NDUFS5: variants seen among roughly 807,000 people sequenced by gnomAD.
NDUFS5 encodes NADH:ubiquinone oxidoreductase subunit S5, also known as NADH dehydrogenase [ubiquinone] iron-sulfur protein 5.
A neutral mutation model predicts 10.5 loss-of-function variants in NDUFS5; 7 were observed. The observed-to-expected ratio is 0.66, with a 90% CI of 0.38 to 1.25. The LOEUF (loss-of-function observed/expected upper bound fraction) is 1.25. Among genes scored for constraint, NDUFS5 ranks in the 50% most tolerant of loss-of-function variants. The probability of loss-of-function intolerance (pLI) is 0.02; values close to 1 mark genes in which losing one functional copy is unlikely to be tolerated. For synonymous variants in NDUFS5, 38 were observed against 44.0 expected, an observed-to-expected ratio of 0.86 and a Z score of 0.54; for missense variants, 148 against 140.7, an observed-to-expected ratio of 1.05 and a Z score of -0.26.
At position 39,034,468 on chromosome 1, in the gene NDUFS5, A is replaced by C. The variant is rs192512172; in HGVS notation, c.293A>C (p.His98Pro). 2.4e-5 allele frequency: 38 copies of C among 1,613,644 alleles called. No homozygotes were observed. The Admixed American group carries it at 3.7e-4, about 16-fold the overall frequency. ...GGAAAGTACACCCCTCCACCTCACC[A>C]CATTGGCAAGGGGGAGCCTCGGCCC... ...KEGKYTPPPHHIGKGEPRP is the reference protein window; with the variant it reads ...KEGKYTPPPHPIGKGEPRP The change falls in exon 3 of 3, where the codon CAC becomes CCC. Residue 98 changes from histidine to proline, a missense_variant. By Grantham distance (77) the His-to-Pro change is moderately conservative. Coordinates refer to ENST00000372969, the MANE Select transcript of NDUFS5 (RefSeq NM_004552.3).
chr1:39,030,884 T>C (rs957293895), intron 2 of NDUFS5, among the ~76,000 whole-genome samples: 7 of 152,152 alleles, frequency 4.6e-5, no homozygotes, highest in Non-Finnish European at 1.0e-4. Flanking sequence ...TTTTAATTTA[T>C]GTTTTGAGAC....
chr1:39,030,617 G>T, intron 2 of NDUFS5, among the ~76,000 whole-genome samples: 1 of 151,410 alleles, frequency 6.6e-6, no homozygotes, highest in Non-Finnish European at 1.5e-5. Flanking sequence ...TGAGGCAGGA[G>T]GCTGAGGCAG....
chr1:39,030,304 G>A (rs1006891108), intron 2 of NDUFS5, among the ~76,000 whole-genome samples: 3 of 151,212 alleles, frequency 2.0e-5, no homozygotes, highest in African/African-American at 4.9e-5. Flanking sequence ...ACTCAGGAGG[G>A]TGAGGCAAGA....
At chr1:39,027,483 T>G (rs1252818871) in intron 1 of NDUFS5, among the ~76,000 whole-genome samples, 2 of 152,184 alleles carry the variant, frequency 1.3e-5, no homozygotes, top group Non-Finnish European at 1.5e-5. Flanking sequence ...GTGTGTGTGT[T>G]TTTACATTTA....
intron 1 of NDUFS5, 112 bp from the exon 2 acceptor site, chr1:39,028,611 G>C: frequency 2.2e-6 from 2 of 925,346 alleles, no homozygotes; most frequent in Admixed American, 4.1e-5. Flanking sequence ...ATATCAAACA[G>C]TGTTCTAGAG....
rs574232708 is a variant in NDUFS5, at chr1:39,034,452, A to G, written c.277A>G (p.Thr93Ala). The change falls in exon 3 of 3, where the codon ACC becomes GCC. Residue 93 changes from threonine (T) to alanine (A), a missense_variant. By Grantham distance (58) the Thr-to-Ala change is moderately conservative (BLOSUM62 0). Coordinates refer to ENST00000372969, the MANE Select transcript of NDUFS5 (RefSeq NM_004552.3). Reference sequence around the variant, plus strand: ...TAAGCTGATAAAGGAAGGAAAGTACACCCCTCCACCTCACCACATTGGCAA... The same window carrying G: ...TAAGCTGATAAAGGAAGGAAAGTACGCCCCTCCACCTCACCACATTGGCAA... ...RDKLIKEGKYTPPPHHIGKGE... is the reference protein window; with the variant it reads ...RDKLIKEGKYAPPPHHIGKGE... 102 of 1,613,568 alleles carry G rather than the reference A, an allele frequency of 6.3e-5. 2 individuals carry two copies. In the South Asian group the frequency reaches 1.1e-3, roughly 17 times the overall value.
At chr1:39,028,992 C>CTTT in intron 2 of NDUFS5, 52 bp downstream of exon 2, 1 of 1,308,458 alleles carries the variant, frequency 7.6e-7, no homozygotes. Context: ...TCCTTTGGGA[C>CTTT]TCTTTTTTTT....
intron 2 of NDUFS5, among the ~76,000 whole-genome samples, chr1:39,033,505 G>A (rs1644206859): frequency 6.7e-6 from 1 of 150,054 alleles, no homozygotes; most frequent in Admixed American, 6.6e-5. Context: ...CCCAGGAGGC[G>A]GAGGTTGCAG....
At chr1:39,030,896 G>A (rs1213913641) in intron 2 of NDUFS5, among the ~76,000 whole-genome samples, 1 of 152,020 alleles carries the variant, frequency 6.6e-6, no homozygotes, top group South Asian at 2.1e-4. Flanking sequence ...TTTTGAGACA[G>A]CGTCTCACTC....
At position 39,034,541 on chromosome 1, in the gene NDUFS5, G is replaced by T. The variant is rs1205128746; in HGVS notation, c.*45G>T. 4.6e-6 allele frequency: 7 copies of T among 1,530,864 alleles called. No individual in the cohort carries two copies. The Admixed American group carries it at 8.4e-5, about 18-fold the overall frequency. 94.8% of individuals were successfully genotyped at this position (1,530,864 alleles called of 1,614,324 possible). On this transcript the variant is annotated 3_prime_UTR_variant, in exon 3 of 3. Coordinates refer to ENST00000372969, the MANE Select transcript of NDUFS5 (RefSeq NM_004552.3). ...CTGGAGGCTGATTTTCCTGTTCTCT[G>T]TTCTCCACTGGAAAGGTTGTTTACG...
intron 2 of NDUFS5, among the ~76,000 whole-genome samples, chr1:39,030,040 G>A (rs1328391991): frequency 2.0e-5 from 3 of 151,928 alleles, no homozygotes; most frequent in South Asian, 2.1e-4. Flanking sequence ...GCATGGAGCC[G>A]AGATCGTGCC....
intron 2 of NDUFS5, among the ~76,000 whole-genome samples, 178 bp downstream of exon 2, chr1:39,029,118 G>C (rs899947548): frequency 6.6e-6 from 1 of 151,082 alleles, no homozygotes; most frequent in East Asian, 1.9e-4. Flanking sequence ...TCAGCCTCCC[G>C]AGTAGCTGGG....
intron 2 of NDUFS5, among the ~76,000 whole-genome samples, chr1:39,029,538 T>A (rs888249381): frequency 2.0e-5 from 3 of 152,208 alleles, no homozygotes; most frequent in African/African-American, 4.8e-5. Context: ...TGTATACCCA[T>A]TTTTTCAGTT....
rs776567859 is a variant in NDUFS5, at chr1:39,027,849, C to T, written c.-2-874C>T. 7.7e-4 allele frequency among the ~76,000 whole-genome samples: 94 copies of T among 121,526 alleles called. 2 individuals carry two copies. Among genetic ancestry groups the T allele is most frequent in the Middle Eastern group, 5.6e-3 (1 of 178 alleles). The allele number at this position is 121,526 out of a possible 152,430, so 79.7% of individuals were successfully genotyped here. On this transcript the variant is annotated intron_variant, in intron 1 of 2. Coordinates refer to ENST00000372969, the MANE Select transcript of NDUFS5 (RefSeq NM_004552.3). The stretch of plus-strand genomic sequence containing the variant: ...TTTTTTTTTTTTTGAGACAGAGTCT[C>T]GCTCTGTCGCCCAGGCTGGAGTACA...
chr1:39,032,074 G>A (rs1243161117), intron 2 of NDUFS5, among the ~76,000 whole-genome samples: 7 of 152,052 alleles, frequency 4.6e-5, no homozygotes, highest in African/African-American at 9.7e-5. Context: ...CAGGAGAATC[G>A]CTTGAACCCG....
At chr1:39,027,814 CT>C (rs1157906500) in intron 1 of NDUFS5, among the ~76,000 whole-genome samples, 507 of 35,574 alleles carry the variant, frequency 0.014, 2 homozygotes, top group Non-Finnish European at 0.021. Flanking sequence ...TCTTCTTCTT[CT>C]TTTTTTTTTT....
intron 2 of NDUFS5, among the ~76,000 whole-genome samples, chr1:39,032,938 C>A (rs575058966): frequency 3.3e-5 from 5 of 152,278 alleles, no homozygotes; most frequent in Admixed American, 1.3e-4. Context: ...GCCTTGTAAA[C>A]CATGATAAGG....
chr1:39,027,814 C>CT lies in NDUFS5; in HGVS notation c.-2-887dup, dbSNP rs1157906500. ...TCCAAATTCTTTTTTTCTTCTTCTTCTTTTTTTTTTTTTTTTTTTTTTGAG... is the reference window on the plus strand; with the variant it reads ...TCCAAATTCTTTTTTTCTTCTTCTTCTTTTTTTTTTTTTTTTTTTTTTTGAG... On this transcript the variant is annotated intron_variant, in intron 1 of 2. Transcript: ENST00000372969. 1.7e-3 allele frequency among the ~76,000 whole-genome samples: 59 copies of CT among 35,574 alleles called. 1 individual carries two copies. Among genetic ancestry groups the CT allele is most frequent in the African/African-American group, 5.0e-3 (53 of 10,522 alleles). The allele number at this position is 35,574 out of a possible 152,430, so 23.3% of individuals were successfully genotyped here.
chr1:39,027,581 G>GTGTTTTTTTTTTTTT (rs1644158638), intron 1 of NDUFS5, among the ~76,000 whole-genome samples: 9 of 91,134 alleles, frequency 9.9e-5, no homozygotes, highest in Non-Finnish European at 2.0e-4. Flanking sequence ...TTTCGCTCTG[G>GTGTTTTTTTTTTTTT]TTTTTTTTTT....
Sources: gnomAD v4.1 joint callset for allele counts (sites outside exome capture counted in the v4.1 genomes callset) on GRCh38, gnomAD v4.1.1 for gene constraint, MANE v1.5 for transcripts, NCBI Gene and HGNC (gene_info 2026-07-23, HGNC 2026-07-21) for gene names.